The following UGT2A2 variants were observed in gnomAD, a reference collection of about 807,000 sequenced individuals.
UGT2A2 encodes the protein UDP glucuronosyltransferase family 2 member A2, also known as UDP-glucuronosyltransferase 2A2.
A neutral mutation model predicts 50.7 loss-of-function variants in UGT2A2; 60 were observed. The ratio of observed to expected loss-of-function variants is 1.18; its 90% confidence interval spans 0.96 to 1.47. The LOEUF (loss-of-function observed/expected upper bound fraction) is 1.47. Ranked by LOEUF, UGT2A2 falls within the 40% of genes most tolerant of loss-of-function variation. UGT2A2 has a pLI of 0.00. For missense variants in UGT2A2, 762 were observed against 634.0 expected (o/e 1.20, Z -2.17); for synonymous variants, 242 against 214.6 (o/e 1.13, Z -1.11).
Position 69,619,114 on chromosome 4 carries a change from C to T in UGT2A2, c.743-19720G>A, listed in dbSNP as rs183949583. ...TATTGATAGATACAATTTTAATATA[C>T]AGGCCACCTGATGTGCTTCATGCCT... On this transcript the variant is annotated intron_variant, in intron 1 of 5. Transcript: ENST00000604629. 1.8e-3 allele frequency among the ~76,000 whole-genome samples: 277 copies of T among 151,894 alleles called. 1 individual carries two copies. Among genetic ancestry groups the T allele is most frequent in the African/African-American group, 6.4e-3 (265 of 41,474 alleles).
At chr4:69,604,043 T>C (rs1403180076) in intron 1 of UGT2A2, among the ~76,000 whole-genome samples, 1 of 135,920 alleles carries the variant, frequency 7.4e-6, no homozygotes, top group African/African-American at 3.0e-5. Flanking sequence ...AAGGCCAACG[T>C]TCAAACTCAG....
intron 1 of UGT2A2, among the ~76,000 whole-genome samples, chr4:69,622,966 T>A (rs900806040): frequency 6.6e-6 from 1 of 151,826 alleles, no homozygotes; most frequent in Non-Finnish European, 1.5e-5. Context: ...TTGCTATGGG[T>A]CATAAAGGTC....
intron 5 of UGT2A2, among the ~76,000 whole-genome samples, chr4:69,591,067 A>T (rs1029752068): frequency 6.6e-6 from 1 of 152,176 alleles, no homozygotes; most frequent in South Asian, 2.1e-4. Flanking sequence ...AATAATTTTT[A>T]GGCATTTATT....
At chr4:69,630,496 T>G (rs1721323697) in intron 1 of UGT2A2, among the ~76,000 whole-genome samples, 1 of 152,240 alleles carries the variant, frequency 6.6e-6, no homozygotes, top group East Asian at 1.9e-4. Context: ...CATTTGAATT[T>G]TGCAGATTCA....
chr4:69,592,117 G>A (rs574307250), intron 5 of UGT2A2, among the ~76,000 whole-genome samples: 51 of 152,146 alleles, frequency 3.4e-4, no homozygotes, highest in African/African-American at 1.2e-3. Context: ...TAAAATGCCT[G>A]GCAAAGGTCA....
At chr4:69,593,069 C>T (rs979692318) in intron 5 of UGT2A2, among the ~76,000 whole-genome samples, 2 of 151,984 alleles carry the variant, frequency 1.3e-5, no homozygotes, top group Admixed American at 1.3e-4. Flanking sequence ...TTCCACAGGT[C>T]TGAAGGAAAG....
intron 1 of UGT2A2, among the ~76,000 whole-genome samples, chr4:69,629,152 T>C (rs755063407): frequency 2.0e-5 from 3 of 152,034 alleles, no homozygotes; most frequent in Non-Finnish European, 2.9e-5. Context: ...TTCAGTGATA[T>C]TCACACATGC....
intron 1 of UGT2A2, among the ~76,000 whole-genome samples, chr4:69,624,896 T>C (rs919828986): frequency 2.0e-5 from 3 of 151,370 alleles, no homozygotes; most frequent in Non-Finnish European, 3.0e-5. Flanking sequence ...TGTCTCTCCA[T>C]TCGTCTAGAT....
At chr4:69,601,548 C>T (rs1719296442) in intron 1 of UGT2A2, among the ~76,000 whole-genome samples, 1 of 152,206 alleles carries the variant, frequency 6.6e-6, no homozygotes, top group African/African-American at 2.4e-5. Context: ...AAGGAAAACA[C>T]TTCTGCATGA....
Position 69,589,153 on chromosome 4 carries a change from G to C in UGT2A2, c.*219C>G, listed in dbSNP as rs1308460505. The C allele has an allele frequency of 1.0e-5, 5 of 487,836 alleles. No homozygotes were observed. Among genetic ancestry groups the C allele is most frequent in the Non-Finnish European group, 1.6e-5 (5 of 310,354 alleles). 30.2% of individuals were successfully genotyped at this position (487,836 alleles called of 1,614,324 possible). ...GAAGAGGGTATAGTCAGCAGGGAGA[G>C]ACAAAGGAAAAATAGAAGACTATAA... is the stretch of plus-strand genomic sequence containing the variant. On this transcript the variant is annotated 3_prime_UTR_variant, in exon 6 of 6. Coordinates refer to ENST00000604629, the MANE Select transcript of UGT2A2 (RefSeq NM_001105677.2).
intron 5 of UGT2A2, among the ~76,000 whole-genome samples, chr4:69,590,910 A>G (rs1718561562): frequency 6.6e-6 from 1 of 152,224 alleles, no homozygotes; most frequent in Non-Finnish European, 1.5e-5. Context: ...ACAATGGTCT[A>G]TTCAAATGTA....
At chr4:69,595,014 G>A (rs1331210514) in intron 4 of UGT2A2, 148 bp downstream of exon 4, 2 of 1,156,904 alleles carry the variant, frequency 1.7e-6, no homozygotes, top group Non-Finnish European at 2.4e-6. Context: ...TAAAATTAAT[G>A]GCCAATTATG....
At chr4:69,636,904 C>G (rs925389049) in intron 1 of UGT2A2, among the ~76,000 whole-genome samples, 1 of 152,088 alleles carries the variant, frequency 6.6e-6, no homozygotes, top group Non-Finnish European at 1.5e-5. Context: ...TGTCTGAGAT[C>G]CCAGTTAGCC....
intron 1 of UGT2A2, among the ~76,000 whole-genome samples, chr4:69,618,284 G>T (rs1720536620): frequency 6.6e-6 from 1 of 150,422 alleles, no homozygotes; most frequent in South Asian, 2.1e-4. Flanking sequence ...TGGTAAGTCT[G>T]GTTACAGTTC....
chr4:69,594,465 CTTAGTACTTACGAAGGTTCA>C lies in UGT2A2; in HGVS notation c.1323_1331+11del. The C allele has an allele frequency of 6.2e-7, 1 of 1,613,780 alleles. No individual in the cohort carries two copies. The highest frequency in any genetic ancestry group is 8.5e-7 in the Non-Finnish European group (1 of 1,179,896). On this transcript the variant is annotated splice_donor_variant and splice_donor_5th_base_variant and coding_sequence_variant and intron_variant, in exon 5 of 6. Transcript: ENST00000604629. LOFTEE classifies it high-confidence loss of function. ...TAAAGTTAGGCAAGTTTTTAGGAGC[CTTAGTACTTACGAAGGTTCA>C]TTAATGACTGTTCTCAAAGCGCTAA... is the stretch of plus-strand genomic sequence containing the variant.
At chr4:69,632,792 G>A (rs1721458857) in intron 1 of UGT2A2, among the ~76,000 whole-genome samples, 1 of 151,704 alleles carries the variant, frequency 6.6e-6, no homozygotes, top group Admixed American at 6.6e-5. Flanking sequence ...GGACGCAGAG[G>A]CAGGAAAATC....
chr4:69,592,778 T>C (rs1396701165), intron 5 of UGT2A2, among the ~76,000 whole-genome samples: 1 of 151,570 alleles, frequency 6.6e-6, no homozygotes, highest in African/African-American at 2.4e-5. Flanking sequence ...AGATAAAAAA[T>C]GGAAATAAAA....
intron 1 of UGT2A2, among the ~76,000 whole-genome samples, chr4:69,630,870 T>C (rs1721342097): frequency 6.6e-6 from 1 of 152,010 alleles, no homozygotes; most frequent in Non-Finnish European, 1.5e-5. Context: ...ATATCAATTA[T>C]ACATATATTA....
intron 5 of UGT2A2, 65 bp downstream of exon 5, chr4:69,594,412 C>T: frequency 6.4e-7 from 1 of 1,565,206 alleles, no homozygotes. Context: ...AAAGAATGTA[C>T]ATTTTCTGGT....
Sources: allele counts gnomAD v4.1 joint callset (sites outside exome capture counted in the v4.1 genomes callset), GRCh38; gene constraint gnomAD v4.1.1; transcripts MANE v1.5; gene names NCBI Gene and HGNC (gene_info 2026-07-23, HGNC 2026-07-21).